Variants in EEF1E1 observed in about 807,000 individuals in gnomAD.
EEF1E1 encodes the protein eukaryotic translation elongation factor 1 epsilon-1.
A neutral mutation model predicts 19.9 loss-of-function variants in EEF1E1; 19 were observed. The ratio of observed to expected loss-of-function variants is 0.95; its 90% CI spans 0.66 to 1.40. The LOEUF (loss-of-function observed/expected upper bound fraction) is 1.40, where lower values mean the gene tolerates loss of function less well. Ranked by LOEUF, EEF1E1 falls within the 40% of genes most tolerant of loss-of-function variation. EEF1E1 has a pLI of 0.00. For missense variants in EEF1E1, 198 were observed against 202.2 expected, an observed-to-expected ratio of 0.98 and a Z score of 0.13; for synonymous variants, 81 against 80.0, an observed-to-expected ratio of 1.01 and a Z score of -0.07.
Position 8,101,894 on chromosome 6 carries a change from T to C in EEF1E1, c.87+541A>G, listed in dbSNP as rs1342523834. On this transcript the variant is annotated intron_variant, in intron 1 of 3. Transcript: ENST00000379715. ...TAGGTGTTCTCTCTGCCATTTATGG[T>C]GCAACGTGGCACTCTTCCAATTTAA... The C allele has an allele frequency of 4.0e-6, 5 of 1,253,772 alleles. No homozygotes were observed. The African/African-American group carries it at 4.6e-5, about 12-fold the overall frequency. 77.7% of individuals were successfully genotyped at this position (1,253,772 alleles called of 1,614,324 possible).
At chr6:8,099,796 A>AAC (rs1226276647) in intron 1 of EEF1E1, among the ~76,000 whole-genome samples, 4 of 149,616 alleles carry the variant, frequency 2.7e-5, no homozygotes, top group African/African-American at 1.0e-4. Flanking sequence ...ACACACAAAA[A>AAC]AAAAACAGAA....
At chr6:8,087,043 A>G (rs1031422287) in intron 3 of EEF1E1, among the ~76,000 whole-genome samples, 9 of 152,184 alleles carry the variant, frequency 5.9e-5, no homozygotes, top group South Asian at 4.1e-4. Flanking sequence ...ATGAGTGGGA[A>G]CCGAGAGATA....
intron 3 of EEF1E1, among the ~76,000 whole-genome samples, chr6:8,088,984 C>T (rs1757943358): frequency 6.6e-6 from 1 of 150,754 alleles, no homozygotes; most frequent in African/African-American, 2.4e-5. Flanking sequence ...GAGAGCCCAG[C>T]TGCAAATGGA....
intron 1 of EEF1E1, 113 bp downstream of exon 1, chr6:8,102,322 G>A: frequency 8.9e-7 from 1 of 1,128,314 alleles, no homozygotes; most frequent in Non-Finnish European, 1.2e-6. Flanking sequence ...TGGGGAGCTG[G>A]GTAGCAGCAT....
chr6:8,089,506 A>G (rs776594006), intron 3 of EEF1E1, among the ~76,000 whole-genome samples: 7 of 152,156 alleles, frequency 4.6e-5, no homozygotes, highest in Non-Finnish European at 1.5e-5. Context: ...AGCACGGGAG[A>G]AAGACGTAGG....
intron 3 of EEF1E1, among the ~76,000 whole-genome samples, chr6:8,080,556 T>C (rs570538109): frequency 2.0e-5 from 3 of 152,216 alleles, no homozygotes; most frequent in Non-Finnish European, 4.4e-5. Flanking sequence ...TTTTAGTGAA[T>C]GGAGCAGTTC....
At chr6:8,087,105 AC>A (rs941419006) in intron 3 of EEF1E1, among the ~76,000 whole-genome samples, 10 of 152,160 alleles carry the variant, frequency 6.6e-5, no homozygotes, top group African/African-American at 2.4e-4. Flanking sequence ...GGACCAGGGA[AC>A]AAAAGAGAAG....
At chr6:8,090,122 A>G in intron 3 of EEF1E1, 64 bp downstream of exon 3, 1 of 1,346,232 alleles carries the variant, frequency 7.4e-7, no homozygotes, top group Non-Finnish European at 1.0e-6. Flanking sequence ...TAAATTCAAG[A>G]CAAAGTTTTA....
At chr6:8,088,407 CAT>C (rs987058038) in intron 3 of EEF1E1, among the ~76,000 whole-genome samples, 13 of 152,300 alleles carry the variant, frequency 8.5e-5, no homozygotes, top group African/African-American at 2.6e-4. Flanking sequence ...ACAATTCCCA[CAT>C]GTCACAGGAG....
chr6:8,102,367 T>G (rs1016002680), intron 1 of EEF1E1, 68 bp downstream of exon 1: 5 of 1,470,308 alleles, frequency 3.4e-6, no homozygotes, highest in South Asian at 1.2e-5. Flanking sequence ...CCGGCCCGGG[T>G]CCTGCCAGGG....
At chr6:8,073,500 A>G in exon 4 of EEF1E1, 1 of 1,551,608 alleles carries the variant, frequency 6.4e-7, no homozygotes, top group Non-Finnish European at 8.7e-7. Flanking sequence ...TGTGTGCCTC[A>G]GCTTCCTTAT....
chr6:8,099,810 T>C (rs962455309), intron 1 of EEF1E1, among the ~76,000 whole-genome samples: 5 of 136,648 alleles, frequency 3.7e-5, no homozygotes, highest in African/African-American at 5.5e-5. Flanking sequence ...AACAGAACCC[T>C]CTATAATGTT....
chr6:8,076,926 A>ATTTT (rs750029678), downstream of EEF1E1, among the ~76,000 whole-genome samples: 1 of 142,584 alleles, frequency 7.0e-6, no homozygotes, highest in African/African-American at 2.5e-5. Context: ...ATGTAGCATG[A>ATTTT]TTTTTTTTGT....
At position 8,097,307 on chromosome 6, in the gene EEF1E1, T is replaced by A; in HGVS notation, c.248A>T (p.Asp83Val). The change falls in exon 2 of 4, where the codon GAT (aspartate) becomes GTT (valine). Residue 83 changes from aspartate to valine, a missense_variant. Coordinates refer to ENST00000379715, the MANE Select transcript of EEF1E1 (RefSeq NM_004280.5). ...GATGTCATTTTTACTGGAGTGCCCA[T>A]CTACTTGAGTGACCCTGTATTCTAA... ...QWLEYRVTQVDGHSSKNDIHT... is the reference protein window; with the variant it reads ...QWLEYRVTQVVGHSSKNDIHT... 1.2e-6 allele frequency: 2 copies of A among 1,614,192 alleles called. No individual in the cohort carries two copies. Among genetic ancestry groups the A allele is most frequent in the Non-Finnish European group, 1.7e-6 (2 of 1,180,036 alleles).
intron 1 of EEF1E1, among the ~76,000 whole-genome samples, chr6:8,097,887 G>A (rs762675279): frequency 6.6e-6 from 1 of 152,070 alleles, no homozygotes; most frequent in Non-Finnish European, 1.5e-5. Flanking sequence ...GCAATATAAA[G>A]GATCAGGTTT....
downstream of EEF1E1, among the ~76,000 whole-genome samples, chr6:8,075,625 G>T (rs1037286493): frequency 1.3e-5 from 2 of 152,174 alleles, no homozygotes; most frequent in Non-Finnish European, 2.9e-5. Flanking sequence ...CTTCTTGCTG[G>T]TGGAGGGTTT....
downstream of EEF1E1, among the ~76,000 whole-genome samples, chr6:8,076,631 A>G (rs1466886761): frequency 1.3e-5 from 2 of 152,102 alleles, no homozygotes; most frequent in African/African-American, 2.4e-5. Flanking sequence ...CCTACAAAAT[A>G]TATTTCTTAA....
At chr6:8,083,704 G>A (rs1393827710) in intron 3 of EEF1E1, among the ~76,000 whole-genome samples, 1 of 152,230 alleles carries the variant, frequency 6.6e-6, no homozygotes, top group African/African-American at 2.4e-5. Flanking sequence ...CTTGACTGCT[G>A]TTTTGTACAC....
downstream of EEF1E1, chr6:8,078,839 C>CT (rs1445979417): frequency 3.5e-6 from 4 of 1,128,022 alleles, no homozygotes; most frequent in African/African-American, 6.7e-5. Flanking sequence ...TTAGCATTAT[C>CT]TTTTTATTTT....
Sources: gnomAD v4.1 joint callset for allele counts (sites outside exome capture counted in the v4.1 genomes callset) on GRCh38, gnomAD v4.1.1 for gene constraint, MANE v1.5 for transcripts, NCBI Gene and HGNC (gene_info 2026-07-23, HGNC 2026-07-21) for gene names.